Variants in POU6F2 observed in about 807,000 individuals in gnomAD.
POU6F2 encodes POU domain, class 6, transcription factor 2.
In POU6F2, 31 loss-of-function variants were observed where a neutral mutation model predicts 71.3. The observed-to-expected ratio is 0.43, with a 90% CI of 0.33 to 0.59. The LOEUF is 0.59. Among genes scored for constraint, POU6F2 ranks in the 20% least tolerant of loss-of-function variants. The pLI is 0.04. For missense variants in POU6F2, 783 were observed against 856.8 expected (o/e 0.91, Z 1.07); for synonymous variants, 347 against 355.7 (o/e 0.98, Z 0.27).
chr7:39,391,606 AGTT>A (rs756838665), intron 5 of POU6F2, among the ~76,000 whole-genome samples: 26 of 152,302 alleles, frequency 1.7e-4, no homozygotes, highest in East Asian at 1.2e-3. Flanking sequence ...TTCATACCAA[AGTT>A]ATCCTGATGA....
intron 1 of POU6F2, among the ~76,000 whole-genome samples, chr7:39,066,595 A>G (rs1417121034): frequency 6.6e-6 from 1 of 151,610 alleles, no homozygotes; most frequent in Non-Finnish European, 1.5e-5. Context: ...TTTAAAACAA[A>G]AATGTCTGTA....
rs1448414708 is a variant in POU6F2, at chr7:39,464,983, C to G, written c.*297C>G. 2 of 330,740 alleles carry G rather than the reference C, an allele frequency of 6.0e-6. No homozygotes were observed. The highest frequency in any genetic ancestry group is 4.2e-5 in the African/African-American group (2 of 47,478). The allele number at this position is 330,740 out of a possible 1,614,324, so 20.5% of individuals were successfully genotyped here. The stretch of plus-strand genomic sequence containing the variant: ...CTTCCCCCACCTGTCTCCCCCAAAG[C>G]CAGTTTTTTAATGGACTTAAAGCAA... On this transcript the variant is annotated 3_prime_UTR_variant, in exon 10 of 10. Coordinates refer to ENST00000518318, the MANE Select transcript of POU6F2 (RefSeq NM_001370959.1). The surrounding 1 kb of genome is among the most constrained non-coding windows in gnomAD (Gnocchi z 4.1).
chr7:39,048,126 A>G (rs1790328454), intron 1 of POU6F2, among the ~76,000 whole-genome samples: 1 of 151,988 alleles, frequency 6.6e-6, no homozygotes, highest in African/African-American at 2.4e-5. Context: ...ATCTAGAACT[A>G]GGAGTTTCTT....
intron 6 of POU6F2, among the ~76,000 whole-genome samples, chr7:39,416,836 A>G (rs193099813): frequency 8.5e-5 from 13 of 152,092 alleles, no homozygotes; most frequent in Non-Finnish European, 1.6e-4. Context: ...AGAAGTTATC[A>G]TTGAAATGTT....
chr7:38,994,978 T>C (rs1466355519), intron 1 of POU6F2, among the ~76,000 whole-genome samples: 3 of 152,218 alleles, frequency 2.0e-5, no homozygotes, highest in Admixed American at 1.3e-4. Context: ...ATCTTCTTAT[T>C]GAAAGCTTTT....
chr7:39,219,187 C>T lies in POU6F2; in HGVS notation c.598+11567C>T, dbSNP rs1011699924. Among the ~76,000 whole-genome samples, 5 of 152,068 alleles carry T rather than the reference C, an allele frequency of 3.3e-5. 1 individual carries two copies. Among genetic ancestry groups the T allele is most frequent in the Admixed American group, 2.6e-4 (4 of 15,266 alleles). On this transcript the variant is annotated intron_variant, in intron 4 of 9. Transcript: ENST00000518318. ...GATTGTTGCTTACCCCTTATTTAGC[C>T]GGAATGCAACAAGAAGGAGCCCCCC... is the stretch of plus-strand genomic sequence containing the variant.
At chr7:39,029,812 CTTTAAA>C (rs912829372) in intron 1 of POU6F2, among the ~76,000 whole-genome samples, 1 of 152,078 alleles carries the variant, frequency 6.6e-6, no homozygotes, top group Admixed American at 6.6e-5. Context: ...AATTGTTCAT[CTTTAAA>C]TTTAATATAT....
At chr7:39,334,610 G>A (rs533925143) in intron 4 of POU6F2, among the ~76,000 whole-genome samples, 6 of 151,840 alleles carry the variant, frequency 4.0e-5, no homozygotes, top group South Asian at 2.1e-4. Context: ...TTTTCCCATC[G>A]ACTTTGCAAA....
At chr7:39,175,486 T>C (rs1417133224) in intron 2 of POU6F2, among the ~76,000 whole-genome samples, 3 of 152,144 alleles carry the variant, frequency 2.0e-5, no homozygotes. Context: ...TAGGGCCTAC[T>C]TGTCCCTTAG....
At chr7:39,028,445 T>C (rs1789865743) in intron 1 of POU6F2, among the ~76,000 whole-genome samples, 1 of 152,168 alleles carries the variant, frequency 6.6e-6, no homozygotes, top group Non-Finnish European at 1.5e-5. Flanking sequence ...TTAAAAATAT[T>C]GCTTTGCTGT....
intron 5 of POU6F2, among the ~76,000 whole-genome samples, chr7:39,399,224 C>A (rs1357430106): frequency 6.6e-6 from 1 of 152,170 alleles, no homozygotes. Flanking sequence ...TCTCTTCCCA[C>A]CCAAATTTTT....
intron 4 of POU6F2, among the ~76,000 whole-genome samples, chr7:39,295,081 A>C (rs1019327782): frequency 1.3e-5 from 2 of 152,122 alleles, no homozygotes; most frequent in African/African-American, 2.4e-5. Context: ...CTCTAGGGTT[A>C]AAAAATTATA....
At chr7:39,178,340 CAA>C (rs1793371107) in intron 2 of POU6F2, among the ~76,000 whole-genome samples, 1 of 152,148 alleles carries the variant, frequency 6.6e-6, no homozygotes, top group African/African-American at 2.4e-5. Context: ...GAATATCCCA[CAA>C]GAGTTTCTCT....
intron 2 of POU6F2, among the ~76,000 whole-genome samples, chr7:39,153,310 T>C (rs1188982745): frequency 6.6e-6 from 1 of 152,208 alleles, no homozygotes; most frequent in Non-Finnish European, 1.5e-5. Context: ...TGAACTGATG[T>C]GGCATTTATT....
chr7:39,352,829 T>A (rs193104852), intron 5 of POU6F2, among the ~76,000 whole-genome samples: 1 of 152,242 alleles, frequency 6.6e-6, no homozygotes, highest in Admixed American at 6.5e-5. Context: ...GGTTTGGGCT[T>A]CTATTGCTTC....
intron 1 of POU6F2, among the ~76,000 whole-genome samples, chr7:38,996,035 C>CTTTTTTTTTTTTTTTTTTTTTTTT (rs5883669): frequency 1.2e-5 from 1 of 85,390 alleles, no homozygotes; most frequent in Non-Finnish European, 2.2e-5. Context: ...AGGGGCTTGG[C>CTTTTTTTTTTTTTTTTTTTTTTTT]TTTTTTTTTT....
intron 2 of POU6F2, among the ~76,000 whole-genome samples, chr7:39,185,832 T>G (rs1285971825): frequency 8.1e-6 from 1 of 123,498 alleles, no homozygotes; most frequent in Non-Finnish European, 1.6e-5. Flanking sequence ...TATATGTATA[T>G]GTATATGTAT....
chr7:39,417,622 C>T (rs1214832052), intron 6 of POU6F2, among the ~76,000 whole-genome samples: 1 of 152,106 alleles, frequency 6.6e-6, no homozygotes, highest in Non-Finnish European at 1.5e-5. Context: ...AATCAAACAA[C>T]ACAAAGATAC....
intron 1 of POU6F2, among the ~76,000 whole-genome samples, chr7:39,031,239 C>T (rs1789936366): frequency 6.6e-6 from 1 of 151,976 alleles, no homozygotes; most frequent in Admixed American, 6.6e-5. Flanking sequence ...TATTTTAGTT[C>T]ATTCTGTTGT....
Sources: gnomAD v4.1 joint callset for allele counts (sites outside exome capture counted in the v4.1 genomes callset) on GRCh38, gnomAD v4.1.1 for gene constraint, Gnocchi (gnomAD v3.1) non-coding constraint, MANE v1.5 for transcripts, NCBI Gene and HGNC (gene_info 2026-07-23, HGNC 2026-07-21) for gene names.